Variants in FAM149A observed in about 807,000 individuals in gnomAD.
The protein encoded by FAM149A is family with sequence similarity 149 member A.
Under a neutral mutation model 78.2 loss-of-function variants are expected in FAM149A, and 71 were observed. The observed-to-expected ratio is 0.91, with a 90% CI of 0.75 to 1.11. The LOEUF is 1.11. FAM149A is among the 50% of genes least tolerant of loss of function. The pLI is 0.00. For synonymous variants in FAM149A, 446 were observed against 410.5 expected (o/e 1.09, Z -1.04); for missense variants, 1,036 against 971.0 (o/e 1.07, Z -0.89).
At chr4:186,132,857 T>C in intron 1 of FAM149A, 1 of 491,100 alleles carries the variant, frequency 2.0e-6, no homozygotes. Flanking sequence ...CCTTTTGGCA[T>C]CCTGAACTGG....
chr4:186,125,946 C>G, intron 1 of FAM149A: 2 of 985,366 alleles, frequency 2.0e-6, no homozygotes, highest in South Asian at 9.4e-5. Flanking sequence ...GAGGTAACAG[C>G]CTGTTCTCCA....
intron 1 of FAM149A, among the ~76,000 whole-genome samples, chr4:186,143,149 C>CTTTTTT (rs141403092): frequency 3.5e-5 from 3 of 85,020 alleles, no homozygotes; most frequent in Non-Finnish European, 7.3e-5. Context: ...TCGATTTTTA[C>CTTTTTT]TTTTTTTTTT....
chr4:186,153,320 T>A, intron 4 of FAM149A: 1 of 923,918 alleles, frequency 1.1e-6, no homozygotes, highest in Non-Finnish European at 1.3e-6. Flanking sequence ...TTGTGCCCAG[T>A]GTTGCCTTAG....
At chr4:186,154,393 T>C in intron 5 of FAM149A, 75 bp from the exon 6 acceptor site, 2 of 1,242,940 alleles carry the variant, frequency 1.6e-6, no homozygotes, top group South Asian at 3.1e-5. Flanking sequence ...AATTGAAAGA[T>C]CCGCCATGAT....
intron 11 of FAM149A, among the ~76,000 whole-genome samples, chr4:186,166,021 A>G (rs1383757795): frequency 1.3e-5 from 2 of 152,184 alleles, no homozygotes; most frequent in African/African-American, 4.8e-5. Flanking sequence ...TGCTATGTCT[A>G]TTGCAGTGGA....
At chr4:186,138,940 C>T (rs2099324644) in intron 1 of FAM149A, among the ~76,000 whole-genome samples, 2 of 152,186 alleles carry the variant, frequency 1.3e-5, no homozygotes, top group South Asian at 4.1e-4. Context: ...TGATGCCCGC[C>T]TCCTGGAAGG....
chr4:186,123,933 T>A (rs1368048704), intron 1 of FAM149A: 3 of 984,438 alleles, frequency 3.0e-6, no homozygotes, highest in Non-Finnish European at 2.4e-6. Flanking sequence ...CTGAAATTGC[T>A]AAACAAAATT....
chr4:186,134,599 A>G lies in FAM149A; in HGVS notation c.567-14574A>G, dbSNP rs1373821552. ...AGTCAGACCTAGGTTTTCCCTGGGTATCCTGCATTGCCCTAGAATCTGACA... is the reference window on the plus strand; with the variant it reads ...AGTCAGACCTAGGTTTTCCCTGGGTGTCCTGCATTGCCCTAGAATCTGACA... On this transcript the variant is annotated intron_variant, in intron 1 of 13. Coordinates refer to ENST00000389354, the MANE Select transcript of FAM149A (RefSeq NM_001367768.3). Among the ~76,000 whole-genome samples, 4 of 152,280 alleles carry G rather than the reference A, an allele frequency of 2.6e-5. No homozygotes were observed. In the East Asian group the frequency reaches 5.8e-4, roughly 22 times the overall value.
rs370721846 is a variant in FAM149A, at chr4:186,164,872, C to A, written c.1890-472C>A. 5.3e-5 allele frequency among the ~76,000 whole-genome samples: 8 copies of A among 152,276 alleles called. No individual in the cohort carries two copies. Among genetic ancestry groups the A allele is most frequent in the Non-Finnish European group, 8.8e-5 (6 of 68,018 alleles). ...TATTGCCACCCTGAGGAGCCCTTTT[C>A]GACCATTCTTCCCAATTGCTCTCCC... On this transcript the variant is annotated intron_variant, in intron 10 of 13. Coordinates refer to ENST00000389354, the MANE Select transcript of FAM149A (RefSeq NM_001367768.3). This position sits in a 1 kb window ranked among gnomAD's most constrained non-coding sequence, Gnocchi z 4.0.
intron 1 of FAM149A, chr4:186,126,914 A>G (rs1706148): frequency 1 from 983,874 of 985,392 alleles, 491,198 homozygotes; most frequent in East Asian, 1. Flanking sequence ...TGGGCGGTGT[A>G]TCACAATTCT....
chr4:186,162,886 T>C lies in FAM149A; in HGVS notation c.1617T>C (p.Gly539=). 6.2e-7 allele frequency: 1 copy of C among 1,606,248 alleles called. No homozygotes were observed. Among genetic ancestry groups the C allele is most frequent in the Non-Finnish European group, 8.5e-7 (1 of 1,175,544 alleles). The change falls in exon 9 of 14, where the codon GGT becomes GGC. Residue 539 remains glycine, a synonymous_variant. Transcript: ENST00000389354. Reference sequence around the variant, plus strand: ...GCAGTTTTTATAGTGACATGAATGGTGTCATGACAATTCAAGCAAAACCGC... The same window carrying C: ...GCAGTTTTTATAGTGACATGAATGGCGTCATGACAATTCAAGCAAAACCGC...
At position 186,105,566 on chromosome 4, in the gene FAM149A, C is replaced by G. The variant is rs2099308402; in HGVS notation, c.490C>G (p.Pro164Ala). The change falls in exon 1 of 14, where the codon CCC (proline) becomes GCC (alanine). Residue 164 changes from proline (P) to alanine (A), a missense_variant. Pro to Ala is a conservative substitution (Grantham distance 27, BLOSUM62 -1). This residue lies in a region of FAM149A where 316 missense variants were observed against 241.9 expected (regional missense o/e 1.31). Coordinates refer to ENST00000389354, the MANE Select transcript of FAM149A (RefSeq NM_001367768.3). ...CGCCTGCGTGGCCCCCGGGGCTGGC[C>G]CCAGAACCCTGTTCCTTACGCTGCC... is the stretch of plus-strand genomic sequence containing the variant. 1.8e-6 allele frequency: 2 copies of G among 1,121,722 alleles called. No homozygotes were observed. The highest frequency in any genetic ancestry group is 1.1e-6 in the Non-Finnish European group (1 of 912,210). 69.5% of individuals were successfully genotyped at this position (1,121,722 alleles called of 1,614,324 possible). A position where few individuals can be genotyped will look rare whatever the true frequency, so the allele number is the denominator to read the frequency against.
Position 186,136,948 on chromosome 4 carries a change from CTCTCTCTCTCTCTCTTTCTCTCTCTCTT to C in FAM149A, c.567-12209_567-12182del, listed in dbSNP as rs1285342511. On this transcript the variant is annotated intron_variant, in intron 1 of 13. Transcript: ENST00000389354. ...AATACACTGATTGATCTCTCTCTCT[CTCTCTCTCTCTCTCTTTCTCTCTCTCTT>C]TCTCTCTCTCTCTCTCTCTCTCTCT... Among the ~76,000 whole-genome samples, 201 of 125,730 alleles carry C rather than the reference CTCTCTCTCTCTCTCTTTCTCTCTCTCTT, an allele frequency of 1.6e-3. 2 individuals carry two copies. Among genetic ancestry groups the C allele is most frequent in the Non-Finnish European group, 1.9e-3 (117 of 61,276 alleles). 82.5% of individuals were successfully genotyped at this position (125,730 alleles called of 152,430 possible). A position where few individuals can be genotyped will look rare whatever the true frequency, so the allele number is the denominator to read the frequency against.
In FAM149A at chr4:186,144,931, GCGGGCGCGGGCGCGGGC is replaced by G. The variant is rs1732893385; in HGVS notation, c.567-4241_567-4225del. The stretch of plus-strand genomic sequence containing the variant: ...GAGCTGGGCCAGCCGCGCGGCGGGC[GCGGGCGCGGGCGCGGGC>G]GCGGGCGCGGGCGGGTGGGGAGCCC... On this transcript the variant is annotated intron_variant, in intron 1 of 13. Coordinates refer to ENST00000389354, the MANE Select transcript of FAM149A (RefSeq NM_001367768.3). The surrounding 1 kb of genome is among the most constrained non-coding windows in gnomAD (Gnocchi z 4.2). 4.7e-6 allele frequency: 1 copy of G among 214,346 alleles called. No homozygotes were observed. The highest frequency in any genetic ancestry group is 5.1e-6 in the Non-Finnish European group (1 of 198,014). 13.3% of individuals were successfully genotyped at this position (214,346 alleles called of 1,614,324 possible).
intron 1 of FAM149A, among the ~76,000 whole-genome samples, chr4:186,108,240 A>G (rs2099309584): frequency 7.2e-6 from 1 of 139,466 alleles, no homozygotes; most frequent in Non-Finnish European, 1.6e-5. Flanking sequence ...AAAAGTTTAA[A>G]GAGTGATGAG....
chr4:186,127,065 CAGA>C, intron 1 of FAM149A: 1 of 985,358 alleles, frequency 1.0e-6, no homozygotes, highest in Non-Finnish European at 1.2e-6. Context: ...ACTTCACAGG[CAGA>C]AGTAGTGTCT....
chr4:186,104,894 C>G lies in FAM149A; in HGVS notation c.-183C>G, dbSNP rs1250632654. ...GGGCGCTCGGCGGACGGACCCGGGC[C>G]GGGGAAGGGCGACCCCAGCGGCGCG... On this transcript the variant is annotated 5_prime_UTR_variant, in exon 1 of 14. Transcript: ENST00000389354. The G allele has an allele frequency of 4.6e-5, 42 of 907,704 alleles. No individual in the cohort carries two copies. The highest frequency in any genetic ancestry group is 5.4e-5 in the Non-Finnish European group (41 of 759,206). The allele number at this position is 907,704 out of a possible 1,614,324, so 56.2% of individuals were successfully genotyped here.
chr4:186,134,202 A>G (rs1418457886), intron 1 of FAM149A, among the ~76,000 whole-genome samples: 6 of 152,022 alleles, frequency 3.9e-5, no homozygotes, highest in Admixed American at 3.3e-4. Context: ...TCTTTTTTAC[A>G]TTTTTTGGCA....
chr4:186,156,992 AACAC>A (rs1386589856), intron 7 of FAM149A, among the ~76,000 whole-genome samples: 2 of 152,174 alleles, frequency 1.3e-5, no homozygotes, highest in Admixed American at 1.3e-4. Flanking sequence ...CAGTCTGGAA[AACAC>A]ACAGATACAC....
Sources: gnomAD v4.1 joint callset for allele counts (sites outside exome capture counted in the v4.1 genomes callset) on GRCh38, gnomAD v4.1.1 for gene constraint, gnomAD v4.1.1 regional missense constraint, Gnocchi (gnomAD v3.1) non-coding constraint, MANE v1.5 for transcripts, NCBI Gene and HGNC (gene_info 2026-07-23, HGNC 2026-07-21) for gene names.